The following CLCA4 variants were observed in gnomAD, a reference collection of about 807,000 sequenced individuals.
CLCA4 encodes the protein calcium-activated chloride channel regulator 4.
Under a neutral mutation model 78.9 loss-of-function variants are expected in CLCA4, and 69 were observed. That is an observed-to-expected ratio of 0.87 (90% confidence interval 0.72 to 1.07). The LOEUF is 1.07. CLCA4 is among the 50% of genes least tolerant of loss of function. The pLI is 0.00. For synonymous variants in CLCA4, 362 were observed against 375.8 expected, an observed-to-expected ratio of 0.96 and a Z score of 0.42; for missense variants, 1,133 against 1,095.8, an observed-to-expected ratio of 1.03 and a Z score of -0.48.
chr1:86,576,164 T>C (rs989984242), intron 11 of CLCA4, among the ~76,000 whole-genome samples: 4 of 151,974 alleles, frequency 2.6e-5, no homozygotes, highest in Non-Finnish European at 4.4e-5. Flanking sequence ...TTTGTTTGTT[T>C]TTTTTGTTTT....
chr1:86,561,391 G>T (rs577828048), intron 3 of CLCA4, among the ~76,000 whole-genome samples: 12 of 152,048 alleles, frequency 7.9e-5, no homozygotes, highest in African/African-American at 2.4e-4. Context: ...TGAATTTTCC[G>T]TCTTCTTTAT....
intron 7 of CLCA4, 152 bp downstream of exon 7, chr1:86,567,803 GATGTTTTA>G: frequency 1.6e-6 from 1 of 631,134 alleles, no homozygotes; most frequent in East Asian, 2.8e-5. Context: ...AAGTTCTCTT[GATGTTTTA>G]ATGGATCAGT....
intron 1 of CLCA4, among the ~76,000 whole-genome samples, chr1:86,559,290 T>G (rs1470049635): frequency 6.6e-6 from 1 of 151,884 alleles, no homozygotes; most frequent in Non-Finnish European, 1.5e-5. Flanking sequence ...CTACTATGGG[T>G]TTTTTTTCAT....
At position 86,547,236 on chromosome 1, in the gene CLCA4, T is replaced by A; in HGVS notation, c.117T>A (p.Asp39Glu). Residue 39 changes from aspartate (D) to glutamate (E), a missense_variant, in exon 1 of 14, where the codon GAT becomes GAA. Coordinates refer to ENST00000370563, the MANE Select transcript of CLCA4 (RefSeq NM_012128.4). ...NGFEDIVIVI[D>E]PSVPEDEKII... The stretch of plus-strand genomic sequence containing the variant: ...TTGAAGATATTGTCATTGTTATAGA[T>A]CCTAGTGTGCCAGAAGATGAAAAAA... 1 of 1,607,204 alleles carries A rather than the reference T, an allele frequency of 6.2e-7. No individual in the cohort carries two copies. The highest frequency in any genetic ancestry group is 8.5e-7 in the Non-Finnish European group (1 of 1,177,810).
At position 86,580,044 on chromosome 1, in the gene CLCA4, C is replaced by T; in HGVS notation, c.2459C>T (p.Ala820Val). ...VNTTDLSPKE[A>V]NSKESFAFKP... Reference sequence around the variant, plus strand: ...ACTACTGATCTGTCACCAAAGGAGGCCAACTCCAAGGAAAGCTTTGCATTT... The same window carrying T: ...ACTACTGATCTGTCACCAAAGGAGGTCAACTCCAAGGAAAGCTTTGCATTT... Residue 820 changes from alanine (A) to valine (V), a missense_variant, in exon 14 of 14, where the codon GCC (alanine) becomes GTC (valine). Physicochemically the swap from Ala to Val is moderately conservative, Grantham distance 64. Coordinates refer to ENST00000370563, the MANE Select transcript of CLCA4 (RefSeq NM_012128.4). The T allele has an allele frequency of 1.2e-6, 2 of 1,612,710 alleles. No individual in the cohort carries two copies. Among genetic ancestry groups the T allele is most frequent in the Non-Finnish European group, 1.7e-6 (2 of 1,179,298 alleles).
Position 86,547,151 on chromosome 1 carries a change from T to G in CLCA4, c.32T>G (p.Leu11Ter). MGLFRGFVFLLVLCLLHQSNT... is the reference protein window; with the variant it reads MGLFRGFVFL ...TTATTCAGAGGTTTTGTTTTCCTCT[T>G]AGTTCTGTGCCTGCTGCACCAGTCA... The change falls in exon 1 of 14, where the codon TTA becomes TGA. Residue 11 changes from leucine (L) to a stop codon, truncating the protein, a stop_gained. Coordinates refer to ENST00000370563, the MANE Select transcript of CLCA4 (RefSeq NM_012128.4). LOFTEE classifies it high-confidence loss of function. 6.2e-7 allele frequency: 1 copy of G among 1,608,488 alleles called. No homozygotes were observed. Among genetic ancestry groups the G allele is most frequent in the South Asian group, 1.1e-5 (1 of 89,146 alleles).
In CLCA4 at chr1:86,548,286, T is replaced by C. The variant is rs184758936; in HGVS notation, c.159+1008T>C. Among the ~76,000 whole-genome samples, 55 of 152,212 alleles carry C rather than the reference T, an allele frequency of 3.6e-4. 2 individuals are homozygous for C. In the East Asian group the frequency reaches 0.01, roughly 28 times the overall value. ...CAGATCATTTGCCCATTTTAAAATATTATTATTATTATTACTTTGTCTTTG... is the reference window on the plus strand; with the variant it reads ...CAGATCATTTGCCCATTTTAAAATACTATTATTATTATTACTTTGTCTTTG... On this transcript the variant is annotated intron_variant, in intron 1 of 13. Coordinates refer to ENST00000370563, the MANE Select transcript of CLCA4 (RefSeq NM_012128.4).
In CLCA4 at chr1:86,575,314, T is replaced by C. The variant is rs779725935; in HGVS notation, c.1684-18T>C. 1 of 1,602,680 alleles carries C rather than the reference T, an allele frequency of 6.2e-7. No homozygotes were observed. Among genetic ancestry groups the C allele is most frequent in the South Asian group, 1.1e-5 (1 of 90,092 alleles). ...GCTTGACTTTGGATACTTACTATAT[T>C]TCTGTTGAAACTTTTAGGTGGGCAC... On this transcript the variant is annotated intron_variant, in intron 10 of 13. Transcript: ENST00000370563.
intron 1 of CLCA4, among the ~76,000 whole-genome samples, chr1:86,557,901 G>C (rs558951344): frequency 6.6e-6 from 1 of 151,690 alleles, no homozygotes; most frequent in East Asian, 1.9e-4. Context: ...AGAATAGTTA[G>C]AGCTTCTTGT....
At chr1:86,554,784 C>A (rs1649783715) in intron 1 of CLCA4, among the ~76,000 whole-genome samples, 1 of 151,928 alleles carries the variant, frequency 6.6e-6, no homozygotes, top group Non-Finnish European at 1.5e-5. Flanking sequence ...TTGCTTTCCA[C>A]AGTGGTTGAA....
At chr1:86,554,176 T>C (rs1003244245) in intron 1 of CLCA4, among the ~76,000 whole-genome samples, 1 of 152,142 alleles carries the variant, frequency 6.6e-6, no homozygotes, top group African/African-American at 2.4e-5. Context: ...CCCCAGTGTC[T>C]CTTGTTCTCT....
chr1:86,550,825 G>T (rs1649633043), intron 1 of CLCA4, among the ~76,000 whole-genome samples: 1 of 149,708 alleles, frequency 6.7e-6, no homozygotes, highest in Non-Finnish European at 1.5e-5. Flanking sequence ...TCTAGGGAGG[G>T]ATCATTTCTT....
chr1:86,578,327 AG>A (rs1650589162), intron 12 of CLCA4, among the ~76,000 whole-genome samples: 1 of 151,998 alleles, frequency 6.6e-6, no homozygotes. Context: ...TTTAGGTTTG[AG>A]GGTACATGTG....
chr1:86,568,535 C>T (rs1324028909), intron 7 of CLCA4, among the ~76,000 whole-genome samples: 2 of 151,660 alleles, frequency 1.3e-5, no homozygotes, highest in African/African-American at 4.8e-5. Flanking sequence ...TCACAGTCTA[C>T]AAAATTGTCT....
Position 86,567,598 on chromosome 1 carries a change from A to G in CLCA4, c.1129A>G (p.Thr377Ala). The stretch of plus-strand genomic sequence containing the variant: ...AAACACACTCATGGCAGGATTACCT[A>G]CATATCCTCTGGGAGGAACTTCCAT... ...ERNTLMAGLP[T>A]YPLGGTSICS... is the part of the protein sequence containing the mutation. The change falls in exon 7 of 14, where the codon ACA (threonine) becomes GCA (alanine). Residue 377 changes from threonine to alanine, a missense_variant. Coordinates refer to ENST00000370563, the MANE Select transcript of CLCA4 (RefSeq NM_012128.4). 1 of 1,613,216 alleles carries G rather than the reference A, an allele frequency of 6.2e-7. No homozygotes were observed. The highest frequency in any genetic ancestry group is 2.2e-5 in the East Asian group (1 of 44,840).
Position 86,547,270 on chromosome 1 carries a change from C to T in CLCA4, c.151C>T (p.Gln51Ter). ...SVPEDEKIIE[Q>*]IEDMVTTAST... ...GCCAGAAGATGAAAAAATAATTGAA[C>T]AAATAGAGGTAAGAACAAAATGGAA... Residue 51 changes from glutamine to a stop codon, truncating the protein, a stop_gained, in exon 1 of 14, where the codon CAA becomes TAA. Transcript: ENST00000370563. LOFTEE classifies it high-confidence loss of function. The T allele has an allele frequency of 6.3e-7, 1 of 1,582,106 alleles. No homozygotes were observed. The highest frequency in any genetic ancestry group is 8.6e-7 in the Non-Finnish European group (1 of 1,168,296).
chr1:86,564,300 T>C lies in CLCA4; in HGVS notation c.557+531T>C, dbSNP rs1368319346. On this transcript the variant is annotated intron_variant, in intron 4 of 13. Transcript: ENST00000370563. The stretch of plus-strand genomic sequence containing the variant: ...CAATTTAAAATTAAAATTGGTGCTA[T>C]CACCTCATCAATGTAGATGTCCTGC... 5.9e-5 allele frequency among the ~76,000 whole-genome samples: 9 copies of C among 152,156 alleles called. No homozygotes were observed. The South Asian group carries it at 1.9e-3, about 32-fold the overall frequency.
chr1:86,570,016 A>C (rs1650301945), intron 7 of CLCA4, among the ~76,000 whole-genome samples: 1 of 151,980 alleles, frequency 6.6e-6, no homozygotes, highest in Non-Finnish European at 1.5e-5. Context: ...AAATGTATAA[A>C]AGCATTTTCC....
chr1:86,554,268 G>A (rs1649763295), intron 1 of CLCA4, among the ~76,000 whole-genome samples: 1 of 152,112 alleles, frequency 6.6e-6, no homozygotes, highest in African/African-American at 2.4e-5. Flanking sequence ...TCCTGTGTTA[G>A]TTTGCTAAGG....
Sources: gnomAD v4.1 joint callset for allele counts (sites outside exome capture counted in the v4.1 genomes callset) on GRCh38, gnomAD v4.1.1 for gene constraint, MANE v1.5 for transcripts, NCBI Gene and HGNC (gene_info 2026-07-23, HGNC 2026-07-21) for gene names.